SPNS3: variants seen among roughly 807,000 people sequenced by gnomAD.
SPNS3 encodes SPNS lysolipid transporter 3, sphingosine-1-phosphate (putative).
SPNS3 carries 51 observed loss-of-function variants against 54.4 expected under a neutral mutation model. The observed-to-expected ratio is 0.94, with a 90% CI of 0.75 to 1.18. The LOEUF is 1.18. Ranked by LOEUF, SPNS3 falls within the 50% of genes most tolerant of loss-of-function variation. The pLI is 0.00. For synonymous variants in SPNS3, 309 were observed against 294.7 expected (o/e 1.05, Z -0.50); for missense variants, 669 against 677.4 (o/e 0.99, Z 0.14).
At chr17:4,438,616 C>G (rs1049616197) in intron 1 of SPNS3, among the ~76,000 whole-genome samples, 1 of 152,220 alleles carries the variant, frequency 6.6e-6, no homozygotes, top group African/African-American at 2.4e-5. Context: ...TCTGGAAGAA[C>G]AGGCTTGTGT....
intron 8 of SPNS3, among the ~76,000 whole-genome samples, chr17:4,456,105 C>A (rs1305234980): frequency 6.6e-6 from 1 of 152,258 alleles, no homozygotes; most frequent in Non-Finnish European, 1.5e-5. Context: ...GCGTGCACCA[C>A]CACACCAGGC....
At chr17:4,476,249 C>T (rs1445613672) in intron 8 of SPNS3, among the ~76,000 whole-genome samples, 1 of 152,182 alleles carries the variant, frequency 6.6e-6, no homozygotes, top group African/African-American at 2.4e-5. Context: ...GGTGCGGTGC[C>T]GGCCTCCAGG....
intron 8 of SPNS3, among the ~76,000 whole-genome samples, chr17:4,471,445 G>A (rs1232966877): frequency 3.9e-5 from 6 of 151,984 alleles, no homozygotes; most frequent in African/African-American, 1.2e-4. Context: ...TCATTTATTC[G>A]TGAGATTGTC....
At position 4,467,460 on chromosome 17, in the gene SPNS3, G is replaced by A. The variant is rs73323824; in HGVS notation, c.1114-11112G>A. Among the ~76,000 whole-genome samples, 571 of 152,084 alleles carry A rather than the reference G, an allele frequency of 3.8e-3. 1 individual carries two copies. Among genetic ancestry groups the A allele is most frequent in the African/African-American group, 0.013 (547 of 41,490 alleles). ...ATGATTACTGCACTGGAATGTCCAC[G>A]CTGACCTTACTCACCTCCGGCTGTC... On this transcript the variant is annotated intron_variant, in intron 8 of 11. Coordinates refer to ENST00000355530, the MANE Select transcript of SPNS3 (RefSeq NM_182538.5).
intron 1 of SPNS3, among the ~76,000 whole-genome samples, chr17:4,439,192 C>T (rs181410878): frequency 3.1e-4 from 47 of 151,790 alleles, no homozygotes; most frequent in African/African-American, 7.0e-4. Flanking sequence ...GGCGCGATCT[C>T]GGCTCACTGC....
chr17:4,466,125 G>A (rs762647728), intron 8 of SPNS3, among the ~76,000 whole-genome samples: 8 of 152,248 alleles, frequency 5.3e-5, no homozygotes, highest in Non-Finnish European at 1.0e-4. Flanking sequence ...AAGCAGCAAT[G>A]TCCACTCACT....
chr17:4,473,319 C>G (rs1050018236), intron 8 of SPNS3, among the ~76,000 whole-genome samples: 3 of 151,790 alleles, frequency 2.0e-5, no homozygotes, highest in African/African-American at 4.8e-5. Flanking sequence ...ATGTGGCCAC[C>G]ACTGCACAGA....
intron 7 of SPNS3, among the ~76,000 whole-genome samples, chr17:4,450,368 T>TCTCC (rs1424328861): frequency 7.6e-6 from 1 of 130,904 alleles, no homozygotes; most frequent in African/African-American, 2.8e-5. Flanking sequence ...TCTCTCTCTC[T>TCTCC]CCCTACCCCT....
At chr17:4,472,601 C>T (rs950033799) in intron 8 of SPNS3, among the ~76,000 whole-genome samples, 3 of 152,110 alleles carry the variant, frequency 2.0e-5, no homozygotes, top group Non-Finnish European at 4.4e-5. Context: ...CCATTGTTGG[C>T]TTTCTCTGTT....
chr17:4,459,680 T>G (rs1001638817), intron 8 of SPNS3, among the ~76,000 whole-genome samples: 2 of 152,040 alleles, frequency 1.3e-5, no homozygotes, highest in African/African-American at 2.4e-5. Flanking sequence ...GCCATTGCAC[T>G]CCAGCCTGGG....
chr17:4,446,229 AG>A, intron 4 of SPNS3, 30 bp downstream of exon 4: 3 of 1,587,524 alleles, frequency 1.9e-6, no homozygotes, highest in Non-Finnish European at 2.6e-6. Flanking sequence ...CTACTTCCCC[AG>A]GTGGTAAACT....
chr17:4,478,555 C>T lies in SPNS3; in HGVS notation c.1114-17C>T, dbSNP rs1416096225. The T allele has an allele frequency of 1.9e-6, 3 of 1,561,186 alleles. No individual in the cohort carries two copies. Among genetic ancestry groups the T allele is most frequent in the African/African-American group, 1.3e-5 (1 of 74,100 alleles). On this transcript the variant is annotated splice_polypyrimidine_tract_variant and intron_variant, in intron 8 of 11. Transcript: ENST00000355530. ...TGGGATCTGGGAATCCTCACCCAGG[C>T]CACCCTCTGTCCACAGGTGTTCCTG...
In SPNS3 at chr17:4,486,923, C is replaced by T. The variant is rs1972333933; in HGVS notation, c.1450+340C>T. Among the ~76,000 whole-genome samples, 1 of 151,986 alleles carries T rather than the reference C, an allele frequency of 6.6e-6. No homozygotes were observed. Among genetic ancestry groups the T allele is most frequent in the Non-Finnish European group, 1.5e-5 (1 of 67,986 alleles). On this transcript the variant is annotated intron_variant, in intron 11 of 11. Transcript: ENST00000355530. The surrounding 1 kb of genome is among the most constrained non-coding windows in gnomAD (Gnocchi z 5.5). Reference sequence around the variant, plus strand: ...GCGCGGTGGCTCACACCTGTAATCCCAGTACTTGGGGAGGCCAAGGCGGGC... The same window carrying T: ...GCGCGGTGGCTCACACCTGTAATCCTAGTACTTGGGGAGGCCAAGGCGGGC...
At chr17:4,437,959 T>G (rs1019629836) in intron 1 of SPNS3, among the ~76,000 whole-genome samples, 1 of 152,092 alleles carries the variant, frequency 6.6e-6, no homozygotes, top group Non-Finnish European at 1.5e-5. Context: ...GCTAATTTTT[T>G]GTATTTTTAA....
At chr17:4,471,410 G>C (rs1862201457) in intron 8 of SPNS3, among the ~76,000 whole-genome samples, 1 of 152,090 alleles carries the variant, frequency 6.6e-6, no homozygotes, top group African/African-American at 2.4e-5. Flanking sequence ...CCCCCAAAAG[G>C]CTAGAGAGTT....
intron 2 of SPNS3, 127 bp from the exon 3 acceptor site, chr17:4,444,905 A>C: frequency 8.8e-7 from 1 of 1,132,038 alleles, no homozygotes; most frequent in Non-Finnish European, 1.3e-6. Flanking sequence ...TCTTCCTCAT[A>C]CCCTGGGCCC....
rs1971700386 is a variant in SPNS3, at chr17:4,467,216, C to T, written c.1114-11356C>T. Among the ~76,000 whole-genome samples, 9 of 151,934 alleles carry T rather than the reference C, an allele frequency of 5.9e-5. No individual in the cohort carries two copies. In the South Asian group the frequency reaches 1.9e-3, roughly 32 times the overall value. On this transcript the variant is annotated intron_variant, in intron 8 of 11. Transcript: ENST00000355530. Reference sequence around the variant, plus strand: ...GGTCTTGTACATAGATTCACTCTGGCTTCCCATGTCACTGACATTGGAAGC... The same window carrying T: ...GGTCTTGTACATAGATTCACTCTGGTTTCCCATGTCACTGACATTGGAAGC...
intron 2 of SPNS3, among the ~76,000 whole-genome samples, chr17:4,442,253 T>C (rs181624250): frequency 6.6e-6 from 1 of 151,654 alleles, no homozygotes; most frequent in East Asian, 1.9e-4. Context: ...GATAGAGGGG[T>C]TGGGCTGGGC....
At chr17:4,485,292 G>C (rs1321075549) in intron 9 of SPNS3, 3 of 152,240 alleles carry the variant, frequency 2.0e-5, no homozygotes, top group African/African-American at 7.2e-5. Context: ...TGGGGATGGA[G>C]AGACTGAGGG....
Sources: allele counts gnomAD v4.1 joint callset (sites outside exome capture counted in the v4.1 genomes callset), GRCh38; gene constraint gnomAD v4.1.1; non-coding constraint Gnocchi (gnomAD v3.1); transcripts MANE v1.5; gene names NCBI Gene and HGNC (gene_info 2026-07-23, HGNC 2026-07-21).